The following FAM184A variants were observed in gnomAD, a reference collection of about 807,000 sequenced individuals.
FAM184A encodes protein FAM184A.
In FAM184A, 99 loss-of-function variants were observed where a neutral mutation model predicts 143.8. The ratio of observed to expected loss-of-function variants is 0.69; its 90% confidence interval spans 0.58 to 0.81. The LOEUF (loss-of-function observed/expected upper bound fraction) is 0.81, where lower values mean the gene tolerates loss of function less well. FAM184A is among the 40% of genes least tolerant of loss of function. The pLI is 0.00. For missense variants in FAM184A, 1,217 were observed against 1,310.5 expected, an observed-to-expected ratio of 0.93 and a Z score of 1.10; for synonymous variants, 427 against 446.4, an observed-to-expected ratio of 0.96 and a Z score of 0.55.
At position 119,078,252 on chromosome 6, in the gene FAM184A, C is replaced by A; in HGVS notation, c.48G>T (p.Ser16=). The A allele has an allele frequency of 6.6e-7, 1 of 1,520,654 alleles. No individual in the cohort carries two copies. The highest frequency in any genetic ancestry group is 8.8e-7 in the Non-Finnish European group (1 of 1,138,172). 94.2% of individuals were successfully genotyped at this position (1,520,654 alleles called of 1,614,324 possible). ...MSWQQHYYGG[S]AAKFAPSPAT... is the part of the protein sequence containing the mutation. ...CCGGCGAGGGCGCGAATTTGGCCGC[C>A]GAGCCGCCGTAATAGTGCTGCTGCC... Residue 16 remains serine (S), a synonymous_variant, in exon 1 of 18, where the codon TCG becomes TCT. Coordinates refer to ENST00000338891, the MANE Select transcript of FAM184A (RefSeq NM_024581.6). This position sits in a 1 kb window ranked among gnomAD's most constrained non-coding sequence, Gnocchi z 5.5.
At chr6:119,056,577 C>T (rs1786984740) in intron 1 of FAM184A, among the ~76,000 whole-genome samples, 1 of 152,202 alleles carries the variant, frequency 6.6e-6, no homozygotes, top group African/African-American at 2.4e-5. Context: ...AGTTCATCAA[C>T]TCACTGAAAT....
At chr6:119,069,149 G>A in intron 1 of FAM184A, 1 of 287,748 alleles carries the variant, frequency 3.5e-6, no homozygotes. Flanking sequence ...GTCTGAAATG[G>A]AATAATAAAT....
intron 1 of FAM184A, among the ~76,000 whole-genome samples, chr6:119,047,131 C>T (rs1345809930): frequency 1.3e-5 from 2 of 151,834 alleles, no homozygotes; most frequent in African/African-American, 2.4e-5. Context: ...TAAAAAAGTG[C>T]TCAACATTAT....
chr6:119,061,773 G>A (rs1787259996), intron 1 of FAM184A, among the ~76,000 whole-genome samples: 1 of 151,990 alleles, frequency 6.6e-6, no homozygotes, highest in African/African-American at 2.4e-5. Flanking sequence ...AGAGAGGATG[G>A]GAAGGGCTTG....
At chr6:118,975,715 G>A (rs1404229797) in intron 12 of FAM184A, among the ~76,000 whole-genome samples, 4 of 152,156 alleles carry the variant, frequency 2.6e-5, no homozygotes, top group Admixed American at 1.3e-4. Flanking sequence ...TTCTGTGATT[G>A]TGCCACTCCA....
At chr6:119,022,586 G>A (rs774596331) in intron 3 of FAM184A, among the ~76,000 whole-genome samples, 1 of 152,076 alleles carries the variant, frequency 6.6e-6, no homozygotes, top group Non-Finnish European at 1.5e-5. Context: ...TAACATTTAA[G>A]TGTTGGGGCC....
chr6:119,114,397 C>T (rs1300326645), intron 1 of FAM184A, among the ~76,000 whole-genome samples: 1 of 152,212 alleles, frequency 6.6e-6, no homozygotes, highest in East Asian at 1.9e-4. Flanking sequence ...CTAACACAGC[C>T]TCTGTCACTA....
Position 118,974,640 on chromosome 6 carries a change from T to C in FAM184A, c.2769-66A>G, listed in dbSNP as rs116816504. The C allele has an allele frequency of 1.2e-3, 1,637 of 1,342,166 alleles. 12 individuals are homozygous for C. The African/African-American group carries it at 0.021, about 17-fold the overall frequency. The allele number at this position is 1,342,166 out of a possible 1,614,324, so 83.1% of individuals were successfully genotyped here. A position where few individuals can be genotyped will look rare whatever the true frequency, so the allele number is the denominator to read the frequency against. On this transcript the variant is annotated intron_variant, in intron 13 of 17. Transcript: ENST00000338891. ...GTCAAGCTTTCAAAACTTTCTATTA[T>C]TCTACCAGATTTGAAATGGTTTTTG...
chr6:119,006,295 A>T, intron 7 of FAM184A, 152 bp downstream of exon 7: 1 of 831,056 alleles, frequency 1.2e-6, no homozygotes, highest in Non-Finnish European at 2.0e-6. Context: ...CTGTTGTTTT[A>T]AATTCCCCAG....
At chr6:119,058,206 T>C (rs1787081809) in intron 1 of FAM184A, among the ~76,000 whole-genome samples, 2 of 132,272 alleles carry the variant, frequency 1.5e-5, no homozygotes, top group African/African-American at 6.0e-5. Flanking sequence ...TTTTTTGAGA[T>C]AGAGTCTTGC....
At position 119,091,741 on chromosome 6, in the gene FAM184A, T is replaced by C. The variant is rs143341082; in HGVS notation, c.-202+57337A>G. ...TCCTCTCTGGAGGGAGGATGAGGGA[T>C]CGGATGCAATCAATTTGCCCCTAAG... On this transcript the variant is annotated intron_variant, in intron 1 of 16. Transcript: ENST00000352896. 1.7e-3 allele frequency among the ~76,000 whole-genome samples: 259 copies of C among 152,356 alleles called. 1 individual carries two copies. The highest frequency in any genetic ancestry group is 5.7e-3 in the African/African-American group (239 of 41,582).
At chr6:119,010,161 A>T (rs1785047397) in intron 6 of FAM184A, among the ~76,000 whole-genome samples, 1 of 152,212 alleles carries the variant, frequency 6.6e-6, no homozygotes, top group African/African-American at 2.4e-5. Flanking sequence ...TTCAGAGAAA[A>T]TTTAAGTTTT....
intron 1 of FAM184A, among the ~76,000 whole-genome samples, chr6:119,133,073 A>G (rs1380608622): frequency 6.6e-6 from 1 of 152,204 alleles, no homozygotes; most frequent in Non-Finnish European, 1.5e-5. Flanking sequence ...CTGCTTGTTT[A>G]TACTCAATTG....
At chr6:118,969,051 C>T (rs897383011) in intron 14 of FAM184A, among the ~76,000 whole-genome samples, 1 of 152,178 alleles carries the variant, frequency 6.6e-6, no homozygotes, top group African/African-American at 2.4e-5. Context: ...GGGCAGTTAT[C>T]CCCATGCTAT....
intron 1 of FAM184A, among the ~76,000 whole-genome samples, chr6:119,138,418 C>T (rs907251396): frequency 6.6e-6 from 1 of 152,110 alleles, no homozygotes; most frequent in African/African-American, 2.4e-5. Context: ...AAGACATTCT[C>T]AAGGCTGATT....
chr6:119,117,486 C>A (rs368967879), intron 1 of FAM184A, among the ~76,000 whole-genome samples: 5 of 152,126 alleles, frequency 3.3e-5, no homozygotes, highest in African/African-American at 1.2e-4. Flanking sequence ...ATAATCGGAC[C>A]CTAACCCAGG....
chr6:118,970,008 A>ATATATATATATATATATTTTTTT, intron 14 of FAM184A, among the ~76,000 whole-genome samples: 4 of 19,050 alleles, frequency 2.1e-4, no homozygotes, highest in South Asian at 3.4e-3. Context: ...ATATATATAT[A>ATATATATATATATATATTTTTTT]TTTTTTTTTT....
At chr6:119,144,428 C>G (rs1034299025) in intron 1 of FAM184A, among the ~76,000 whole-genome samples, 5 of 152,124 alleles carry the variant, frequency 3.3e-5, no homozygotes, top group African/African-American at 1.2e-4. Flanking sequence ...CTAAATTGCT[C>G]CAGTGGGGCC....
chr6:118,972,180 A>G (rs1783716926), intron 14 of FAM184A, among the ~76,000 whole-genome samples: 1 of 152,164 alleles, frequency 6.6e-6, no homozygotes, highest in African/African-American at 2.4e-5. Context: ...GAAACAACCA[A>G]TTGTCTAAAA....
Sources: allele counts gnomAD v4.1 joint callset (sites outside exome capture counted in the v4.1 genomes callset), GRCh38; gene constraint gnomAD v4.1.1; non-coding constraint Gnocchi (gnomAD v3.1); transcripts MANE v1.5; gene names NCBI Gene and HGNC (gene_info 2026-07-23, HGNC 2026-07-21).